DLGAP4: variants seen among roughly 807,000 people sequenced by gnomAD.
The protein encoded by DLGAP4 is disks large-associated protein 4.
In DLGAP4, 18 loss-of-function variants were observed where a neutral mutation model predicts 86.9. The observed-to-expected ratio is 0.21, with a 90% CI of 0.14 to 0.31. The LOEUF is 0.31. Ranked by LOEUF, DLGAP4 falls within the 10% of genes least tolerant of loss-of-function variation. The pLI is 1.00. For missense variants in DLGAP4, 1,085 were observed against 1,362.6 expected, an observed-to-expected ratio of 0.80 and a Z score of 3.21; for synonymous variants, 548 against 574.3, an observed-to-expected ratio of 0.95 and a Z score of 0.65.
chr20:36,361,988 A>G (rs1383669706), intron 1 of DLGAP4, among the ~76,000 whole-genome samples: 2 of 149,962 alleles, frequency 1.3e-5, no homozygotes, highest in Non-Finnish European at 3.0e-5. Flanking sequence ...CAAAAAAAAA[A>G]AAAAAAAAAA....
rs528403351 is a variant in DLGAP4 at position 36,373,717 on chromosome 20, G to GA, written c.-73+6450dup. Among the ~76,000 whole-genome samples the GA allele has an allele frequency of 4.5e-4, 69 of 151,848 alleles. No homozygotes were observed. The South Asian group carries it at 0.013, about 29-fold the overall frequency. ...CCAAGATGCATGGTTTTCAAAATCA[G>GA]AAAAAAAACAATGCAACTATTGAAA... On this transcript the variant is annotated intron_variant, in intron 2 of 12. Transcript: ENST00000339266.
chr20:36,358,335 A>C (rs1555894005), intron 1 of DLGAP4, among the ~76,000 whole-genome samples: 3 of 151,306 alleles, frequency 2.0e-5, no homozygotes, highest in African/African-American at 7.3e-5. Context: ...CATGAACCTC[A>C]CTCTTACGCT....
chr20:36,417,669 T>A (rs1221132360), intron 2 of DLGAP4, among the ~76,000 whole-genome samples: 1 of 141,824 alleles, frequency 7.1e-6, no homozygotes, highest in Admixed American at 7.0e-5. Context: ...TAAGCATGAG[T>A]CTCCGTGCCC....
intron 7 of DLGAP4, among the ~76,000 whole-genome samples, chr20:36,451,111 G>A (rs1181358880): frequency 2.0e-5 from 3 of 152,160 alleles, no homozygotes; most frequent in African/African-American, 7.2e-5. Flanking sequence ...ATCTTGAACG[G>A]TCTTACTCCC....
intron 7 of DLGAP4, among the ~76,000 whole-genome samples, chr20:36,452,045 C>T (rs774516026): frequency 5.9e-5 from 9 of 152,198 alleles, no homozygotes; most frequent in Non-Finnish European, 1.2e-4. Context: ...CAGGCATGAG[C>T]CACCATGCCT....
chr20:36,429,782 A>G lies in DLGAP4; in HGVS notation c.-72-1864A>G, dbSNP rs186867120. ...AATTCATGATAGTCTCCCCATCTCA[A>G]GATCCTTAATCACATTTGCAAAATA... On this transcript the variant is annotated intron_variant, in intron 2 of 12. Coordinates refer to ENST00000339266, the MANE Select transcript of DLGAP4 (RefSeq NM_001365621.2). Among the ~76,000 whole-genome samples, 371 of 152,306 alleles carry G rather than the reference A, an allele frequency of 2.4e-3. 4 individuals are homozygous for G. Among genetic ancestry groups the G allele is most frequent in the African/African-American group, 8.6e-3 (359 of 41,568 alleles).
At position 36,527,165 on chromosome 20, in the gene DLGAP4, A is replaced by G; in HGVS notation, c.*134A>G. The G allele has an allele frequency of 1.1e-6, 1 of 939,798 alleles. No homozygotes were observed. The highest frequency in any genetic ancestry group is 2.8e-5 in the East Asian group (1 of 35,672). 58.2% of individuals were successfully genotyped at this position (939,798 alleles called of 1,614,324 possible). On this transcript the variant is annotated 3_prime_UTR_variant, in exon 13 of 13. Coordinates refer to ENST00000339266, the MANE Select transcript of DLGAP4 (RefSeq NM_001365621.2). Reference sequence around the variant, plus strand: ...CCTGAGCCAACTTTCAAATTGACGCATACAAGGGCTCACAATTTGGCTTTT... The same window carrying G: ...CCTGAGCCAACTTTCAAATTGACGCGTACAAGGGCTCACAATTTGGCTTTT...
At chr20:36,330,853 G>C (rs529531486) in intron 1 of DLGAP4, among the ~76,000 whole-genome samples, 2 of 152,194 alleles carry the variant, frequency 1.3e-5, no homozygotes, top group African/African-American at 2.4e-5. Context: ...GATTACAGGC[G>C]TGAGCCGCCA....
chr20:36,390,245 G>A (rs1375796474), intron 2 of DLGAP4, among the ~76,000 whole-genome samples: 2 of 152,206 alleles, frequency 1.3e-5, no homozygotes, highest in African/African-American at 4.8e-5. Context: ...GCCTGAGAAG[G>A]AGCGTCGTCC....
chr20:36,319,371 G>A (rs2065143543), intron 1 of DLGAP4, among the ~76,000 whole-genome samples: 1 of 152,104 alleles, frequency 6.6e-6, no homozygotes, highest in Non-Finnish European at 1.5e-5. Flanking sequence ...TTGGTTTGAG[G>A]GTGAATTGAG....
At chr20:36,357,026 CT>C (rs1181317393) in intron 1 of DLGAP4, among the ~76,000 whole-genome samples, 1 of 152,170 alleles carries the variant, frequency 6.6e-6, no homozygotes, top group Non-Finnish European at 1.5e-5. Flanking sequence ...CGCCACCCAC[CT>C]CTAGACTACC....
intron 7 of DLGAP4, among the ~76,000 whole-genome samples, chr20:36,467,088 C>G (rs1194706897): frequency 6.8e-5 from 10 of 148,024 alleles, no homozygotes; most frequent in Non-Finnish European, 8.9e-5. Context: ...TCGGCCCTGC[C>G]TTCCTAGCCC....
chr20:36,521,784 A>G (rs1406839609), intron 10 of DLGAP4, among the ~76,000 whole-genome samples: 1 of 152,054 alleles, frequency 6.6e-6, no homozygotes. Flanking sequence ...GCTCTTTTAC[A>G]TATTCTTGGA....
At chr20:36,438,619 T>G (rs2033354712) in intron 4 of DLGAP4, among the ~76,000 whole-genome samples, 1 of 149,902 alleles carries the variant, frequency 6.7e-6, no homozygotes, top group Non-Finnish European at 1.5e-5. Flanking sequence ...GGTGAACTCC[T>G]CCGCTCAAGT....
At position 36,508,419 on chromosome 20, in the gene DLGAP4, G is replaced by GTTTTTTTTTTTTT. The variant is rs1569523131; in HGVS notation, c.2512+7810_2512+7811insTTTTTTTTTTTTT. 8.2e-4 allele frequency: 110 copies of GTTTTTTTTTTTTT among 134,570 alleles called. 5 individuals are homozygous for GTTTTTTTTTTTTT. Among genetic ancestry groups the GTTTTTTTTTTTTT allele is most frequent in the African/African-American group, 3.2e-3 (108 of 33,562 alleles). 8.3% of individuals were successfully genotyped at this position (134,570 alleles called of 1,614,324 possible). On this transcript the variant is annotated intron_variant, in intron 10 of 12. Coordinates refer to ENST00000339266, the MANE Select transcript of DLGAP4 (RefSeq NM_001365621.2). Reference sequence around the variant, plus strand: ...ACCATTTTCCTACTGATGTTTCAGGGTTCTTTTTTTTTTTTTTTTTTTTTT... The same window carrying GTTTTTTTTTTTTT: ...ACCATTTTCCTACTGATGTTTCAGGGTTTTTTTTTTTTTTTCTTTTTTTTTTTTTTTTTTTTTT...
At chr20:36,328,885 T>C (rs1187997352) in intron 1 of DLGAP4, among the ~76,000 whole-genome samples, 1 of 152,032 alleles carries the variant, frequency 6.6e-6, no homozygotes, top group African/African-American at 2.4e-5. Flanking sequence ...AAGCAATTCT[T>C]CTGCCTCAGC....
intron 7 of DLGAP4, 98 bp from the exon 8 acceptor site, chr20:36,496,607 G>A (rs1445612537): frequency 6.7e-7 from 1 of 1,502,490 alleles, no homozygotes; most frequent in Non-Finnish European, 8.9e-7. Context: ...CCAGAGCTAG[G>A]GCCAAGTCAG....
At chr20:36,413,413 CTTTTT>C (rs71184094) in intron 2 of DLGAP4, among the ~76,000 whole-genome samples, 4 of 71,030 alleles carry the variant, frequency 5.6e-5, no homozygotes, top group Non-Finnish European at 7.4e-5. Context: ...TTGTTCTGGA[CTTTTT>C]TTTTTTTTTT....
chr20:36,417,779 T>TG, intron 2 of DLGAP4, among the ~76,000 whole-genome samples: 1 of 151,568 alleles, frequency 6.6e-6, no homozygotes, highest in Non-Finnish European at 1.5e-5. Context: ...TTTGGTTTTT[T>TG]TTTTTTGTTG....
Sources: gnomAD v4.1 joint callset for allele counts (sites outside exome capture counted in the v4.1 genomes callset) on GRCh38, gnomAD v4.1.1 for gene constraint, MANE v1.5 for transcripts, NCBI Gene and HGNC (gene_info 2026-07-23, HGNC 2026-07-21) for gene names.